NFKB1: variants seen among roughly 807,000 people sequenced by gnomAD.
NFKB1 encodes nuclear factor kappa B subunit 1.
Under a neutral mutation model 105.1 loss-of-function variants are expected in NFKB1, and 9 were observed. That is an observed-to-expected ratio of 0.09 (90% confidence interval 0.05 to 0.15). NFKB1 has a LOEUF of 0.15. Ranked by LOEUF, NFKB1 falls within the 10% of genes least tolerant of loss-of-function variation. The pLI is 1.00. For synonymous variants in NFKB1, 440 were observed against 442.2 expected, an observed-to-expected ratio of 1.00 and a Z score of 0.06; for missense variants, 830 against 1,203.7, an observed-to-expected ratio of 0.69 and a Z score of 4.59.
chr4:102,603,788 C>A, intron 16 of NFKB1, among the ~76,000 whole-genome samples: 1 of 152,216 alleles, frequency 6.6e-6, no homozygotes, highest in South Asian at 2.1e-4. Context: ...AATCTAAGTA[C>A]ATTTCTGTGA....
intron 1 of NFKB1, 90 bp from the exon 2 acceptor site, chr4:102,525,420 TAC>T (rs2149113054): frequency 2.5e-6 from 3 of 1,222,890 alleles, no homozygotes; most frequent in Non-Finnish European, 3.6e-6. Flanking sequence ...ACTGGTATAA[TAC>T]AGTTTATTCC....
At chr4:102,505,796 G>T (rs1211887374) in intron 1 of NFKB1, among the ~76,000 whole-genome samples, 1 of 152,158 alleles carries the variant, frequency 6.6e-6, no homozygotes, top group Non-Finnish European at 1.5e-5. Flanking sequence ...AGAAATATCT[G>T]ATGCTTAGCA....
intron 1 of NFKB1, among the ~76,000 whole-genome samples, chr4:102,512,722 C>T (rs988044635): frequency 2.0e-5 from 3 of 152,144 alleles, no homozygotes; most frequent in African/African-American, 7.2e-5. Context: ...TGATGGCTTG[C>T]AAATTATTAT....
At chr4:102,601,902 G>T (rs576493697) in intron 16 of NFKB1, among the ~76,000 whole-genome samples, 2 of 152,280 alleles carry the variant, frequency 1.3e-5, no homozygotes, top group South Asian at 4.1e-4. Context: ...CCAGTCTGCT[G>T]TATGGGGCTC....
chr4:102,522,084 G>A (rs1740610666), intron 1 of NFKB1, among the ~76,000 whole-genome samples: 1 of 152,222 alleles, frequency 6.6e-6, no homozygotes, highest in Non-Finnish European at 1.5e-5. Flanking sequence ...ACAAGGGAAA[G>A]TGAGGGGAAG....
intron 4 of NFKB1, among the ~76,000 whole-genome samples, chr4:102,535,675 A>G (rs1053728108): frequency 2.0e-5 from 3 of 152,168 alleles, no homozygotes; most frequent in African/African-American, 4.8e-5. Flanking sequence ...ATTTGACGAC[A>G]TCTTCCTGAA....
chr4:102,583,936 T>C (rs1253577668), intron 10 of NFKB1, among the ~76,000 whole-genome samples: 3 of 152,194 alleles, frequency 2.0e-5, no homozygotes, highest in African/African-American at 7.2e-5. Context: ...ATCTCAGTTA[T>C]ACAGTGTTAA....
chr4:102,512,136 T>C (rs1035809660), intron 1 of NFKB1, among the ~76,000 whole-genome samples: 8 of 152,124 alleles, frequency 5.3e-5, no homozygotes, highest in African/African-American at 1.9e-4. Context: ...TAGTAAAAAA[T>C]AGAAAACAGA....
At chr4:102,502,412 A>ACACACG (rs2149090102) in intron 1 of NFKB1, among the ~76,000 whole-genome samples, 1 of 142,542 alleles carries the variant, frequency 7.0e-6, no homozygotes, top group African/African-American at 2.6e-5. Context: ...ACACACACAC[A>ACACACG]CACACACACA....
chr4:102,554,880 C>G (rs780088464), intron 5 of NFKB1, among the ~76,000 whole-genome samples: 2 of 152,152 alleles, frequency 1.3e-5, no homozygotes, highest in Non-Finnish European at 2.9e-5. Context: ...AGGTCGAATT[C>G]TATTAATACC....
chr4:102,545,444 T>C (rs1260715915), intron 5 of NFKB1, among the ~76,000 whole-genome samples: 2 of 152,166 alleles, frequency 1.3e-5, no homozygotes, highest in Non-Finnish European at 2.9e-5. Context: ...AATCCACTGA[T>C]GCAGGTTCTG....
intron 1 of NFKB1, among the ~76,000 whole-genome samples, chr4:102,519,930 T>C (rs753847659): frequency 2.6e-4 from 40 of 152,234 alleles, no homozygotes; most frequent in Non-Finnish European, 4.8e-4. Flanking sequence ...GTTTACTTCT[T>C]TCTCCATGTG....
chr4:102,586,357 G>A (rs1725713101), intron 11 of NFKB1, among the ~76,000 whole-genome samples: 1 of 152,130 alleles, frequency 6.6e-6, no homozygotes, highest in Admixed American at 6.5e-5. Context: ...GTAGATTTGG[G>A]TGGGAAAAGA....
chr4:102,532,849 ATGC>A (rs1741387144), intron 3 of NFKB1, among the ~76,000 whole-genome samples: 1 of 152,164 alleles, frequency 6.6e-6, no homozygotes, highest in Non-Finnish European at 1.5e-5. Context: ...GAACCACCAT[ATGC>A]CTTTATTTAT....
rs777076983 is a variant in NFKB1, at chr4:102,584,718, A to G, written c.964A>G (p.Ile322Val). 1.9e-6 allele frequency: 3 copies of G among 1,611,752 alleles called. No individual in the cohort carries two copies. Among genetic ancestry groups the G allele is most frequent in the Admixed American group, 3.4e-5 (2 of 59,678 alleles). ...CTTCAAAACTCCAAAGTATAAAGAT[A>G]TTAATATTACAAAACCAGCCTCTGT... The part of the protein sequence containing the change: ...IVFKTPKYKD[I>V]NITKPASVFV... Residue 322 changes from isoleucine (I) to valine (V), a missense_variant, in exon 11 of 24, where the codon ATT (isoleucine) becomes GTT (valine). Physicochemically the swap from Ile to Val is conservative, Grantham distance 29. Around this residue, in one of 8 missense-constraint regions of NFKB1, gnomAD observed 42 missense variants for 145.7 expected, o/e 0.29. Transcript: ENST00000226574.
At chr4:102,502,843 T>G (rs1739179471) in intron 1 of NFKB1, among the ~76,000 whole-genome samples, 1 of 152,188 alleles carries the variant, frequency 6.6e-6, no homozygotes, top group Admixed American at 6.5e-5. Context: ...AAAAAATGCT[T>G]ATGGTATTAC....
chr4:102,575,262 T>C (rs1329098315), intron 6 of NFKB1, among the ~76,000 whole-genome samples: 1 of 152,204 alleles, frequency 6.6e-6, no homozygotes, highest in Non-Finnish European at 1.5e-5. Flanking sequence ...CTATCCACTT[T>C]TTTCATCTGC....
intron 10 of NFKB1, among the ~76,000 whole-genome samples, chr4:102,583,351 T>A (rs1391745602): frequency 3.9e-5 from 6 of 152,172 alleles, no homozygotes; most frequent in African/African-American, 1.4e-4. Flanking sequence ...AGAAAAATCA[T>A]AAATATTTAA....
At chr4:102,557,922 G>C (rs1303372949) in intron 5 of NFKB1, among the ~76,000 whole-genome samples, 1 of 151,982 alleles carries the variant, frequency 6.6e-6, no homozygotes, top group Non-Finnish European at 1.5e-5. Context: ...AGCAACCAGA[G>C]CCCCCAGCCA....
Sources: allele counts gnomAD v4.1 joint callset (sites outside exome capture counted in the v4.1 genomes callset), GRCh38; gene constraint gnomAD v4.1.1; regional missense constraint gnomAD v4.1.1; transcripts MANE v1.5; gene names NCBI Gene and HGNC (gene_info 2026-07-23, HGNC 2026-07-21).